The following CADM2 variants were observed in gnomAD, a reference collection of about 807,000 sequenced individuals.
CADM2 encodes the protein cell adhesion molecule 2.
CADM2 carries 12 observed loss-of-function variants against 49.8 expected under a neutral mutation model. The ratio of observed to expected loss-of-function variants is 0.24; its 90% CI spans 0.15 to 0.39. The LOEUF is 0.39. Among genes scored for constraint, CADM2 ranks in the 10% least tolerant of loss-of-function variants. CADM2 has a pLI of 1.00. For missense variants in CADM2, 378 were observed against 492.3 expected (o/e 0.77, Z 2.20); for synonymous variants, 214 against 175.4 (o/e 1.22, Z -1.74).
chr3:85,712,776 T>C (rs2067155092), intron 1 of CADM2, among the ~76,000 whole-genome samples: 1 of 152,170 alleles, frequency 6.6e-6, no homozygotes, highest in Non-Finnish European at 1.5e-5. Context: ...ATTAACACTA[T>C]ATTTGGCACA....
chr3:86,065,815 T>A, intron 9 of CADM2, 85 bp downstream of exon 9: 1 of 1,368,978 alleles, frequency 7.3e-7, no homozygotes, highest in Non-Finnish European at 1.0e-6. Flanking sequence ...AGTGCATATA[T>A]GTTTCTGTAC....
intron 1 of CADM2, among the ~76,000 whole-genome samples, chr3:85,215,314 G>A (rs2041892641): frequency 7.4e-6 from 1 of 134,610 alleles, no homozygotes; most frequent in African/African-American, 2.8e-5. Context: ...TTCTACTCTG[G>A]TTAAGCTGCT....
In CADM2 at chr3:85,860,814, G is replaced by C. The variant is rs13315330; in HGVS notation, c.239-22477G>C. Among the ~76,000 whole-genome samples the C allele has an allele frequency of 2.9e-3, 434 of 152,184 alleles. 2 individuals carry two copies. The highest frequency in any genetic ancestry group is 0.01 in the African/African-American group (416 of 41,514). On this transcript the variant is annotated intron_variant, in intron 3 of 9. Transcript: ENST00000383699. ...CAAACATTCAGACTATAACAATCAG[G>C]GTGGTCAGATGAGTCTTAAAGGAAG...
chr3:85,564,965 A>C (rs1032879054), intron 1 of CADM2, among the ~76,000 whole-genome samples: 1 of 152,138 alleles, frequency 6.6e-6, no homozygotes, highest in African/African-American at 2.4e-5. Context: ...TATAGCTCGA[A>C]GCTTTAGATA....
At chr3:85,725,561 T>C (rs2067665736) in intron 1 of CADM2, among the ~76,000 whole-genome samples, 1 of 152,006 alleles carries the variant, frequency 6.6e-6, no homozygotes, top group Non-Finnish European at 1.5e-5. Flanking sequence ...ACTATATCAC[T>C]TCAGAAGTAT....
At chr3:85,869,808 G>C (rs907017429) in intron 3 of CADM2, among the ~76,000 whole-genome samples, 1 of 151,970 alleles carries the variant, frequency 6.6e-6, no homozygotes, top group African/African-American at 2.4e-5. Context: ...ACAGGTGCCC[G>C]CCACCACGGG....
chr3:85,816,765 C>T (rs999905672), intron 3 of CADM2, among the ~76,000 whole-genome samples: 4 of 152,052 alleles, frequency 2.6e-5, no homozygotes, highest in African/African-American at 4.8e-5. Context: ...CACAGCGACT[C>T]GCTAAGGCAA....
At chr3:85,263,849 G>A (rs193248748) in intron 1 of CADM2, among the ~76,000 whole-genome samples, 15 of 152,056 alleles carry the variant, frequency 9.9e-5, no homozygotes, top group African/African-American at 1.4e-4. Context: ...ATGACTTTCC[G>A]TTTAAATATG....
At chr3:85,255,556 A>T (rs2042866350) in intron 1 of CADM2, among the ~76,000 whole-genome samples, 1 of 152,048 alleles carries the variant, frequency 6.6e-6, no homozygotes, top group Non-Finnish European at 1.5e-5. Context: ...AAAAAAAGTG[A>T]TAATTAAAGT....
intron 1 of CADM2, among the ~76,000 whole-genome samples, chr3:85,303,092 T>A (rs2044138172): frequency 6.6e-6 from 1 of 151,888 alleles, no homozygotes; most frequent in African/African-American, 2.4e-5. Context: ...TTGGACAAAA[T>A]TTTTGTGTGT....
rs1212380926 is a variant in CADM2, at chr3:85,006,582, C to T, written c.61+46914C>T. ...CTGGCTGGAACTTCATGCTAAATGC[C>T]GGGAAACATGGTCAAGGATAAAAAT... On this transcript the variant is annotated intron_variant, in intron 1 of 9. Transcript: ENST00000383699. Among the ~76,000 whole-genome samples, 28 of 151,960 alleles carry T rather than the reference C, an allele frequency of 1.8e-4. 1 individual carries two copies. Among genetic ancestry groups the T allele is most frequent in the Admixed American group, 1.6e-3 (25 of 15,240 alleles).
At chr3:85,672,161 A>G (rs953371225) in intron 1 of CADM2, among the ~76,000 whole-genome samples, 5 of 151,806 alleles carry the variant, frequency 3.3e-5, no homozygotes, top group African/African-American at 1.2e-4. Context: ...AGTAAAATTT[A>G]CATAATTCTA....
At chr3:86,014,748 C>T in intron 8 of CADM2, 1 of 1,491,502 alleles carries the variant, frequency 6.7e-7, no homozygotes, top group African/African-American at 1.4e-5. Flanking sequence ...TACTGACACG[C>T]TCTCAGCCAA....
chr3:84,990,090 TCC>T (rs1008932484), intron 1 of CADM2, among the ~76,000 whole-genome samples: 1 of 151,750 alleles, frequency 6.6e-6, no homozygotes, highest in Non-Finnish European at 1.5e-5. Flanking sequence ...TATTTAATGA[TCC>T]CATTATATTT....
chr3:85,049,121 ATGGCTAAT>A (rs2035779438), intron 1 of CADM2, among the ~76,000 whole-genome samples: 1 of 152,122 alleles, frequency 6.6e-6, no homozygotes, highest in Admixed American at 6.5e-5. Flanking sequence ...GATGAGGATA[ATGGCTAAT>A]TGGCCTGGTG....
chr3:85,354,840 C>T (rs926858152), intron 1 of CADM2, among the ~76,000 whole-genome samples: 1 of 151,982 alleles, frequency 6.6e-6, no homozygotes, highest in Non-Finnish European at 1.5e-5. Flanking sequence ...ATGAAAGGAA[C>T]AGAAATTTAT....
At chr3:85,370,941 C>T (rs1049014615) in intron 1 of CADM2, among the ~76,000 whole-genome samples, 2 of 151,648 alleles carry the variant, frequency 1.3e-5, no homozygotes, top group Middle Eastern at 3.4e-3. Context: ...TTTAAAAAAT[C>T]AAAACAAAAT....
chr3:85,338,610 A>G (rs1224294323), intron 1 of CADM2, among the ~76,000 whole-genome samples: 1 of 151,590 alleles, frequency 6.6e-6, no homozygotes, highest in Non-Finnish European at 1.5e-5. Flanking sequence ...CTTATACAGA[A>G]GCTTTTTGAT....
intron 1 of CADM2, among the ~76,000 whole-genome samples, chr3:85,622,411 C>T (rs2064002018): frequency 6.6e-6 from 1 of 152,142 alleles, no homozygotes; most frequent in South Asian, 2.1e-4. Context: ...ATCTAAGACA[C>T]ATTCTAAGAA....
Sources: gnomAD v4.1 joint callset for allele counts (sites outside exome capture counted in the v4.1 genomes callset) on GRCh38, gnomAD v4.1.1 for gene constraint, MANE v1.5 for transcripts, NCBI Gene and HGNC (gene_info 2026-07-23, HGNC 2026-07-21) for gene names.